PACRG: variants seen among roughly 807,000 people sequenced by gnomAD.
PACRG encodes parkin coregulated, also known as parkin coregulated gene protein.
PACRG carries 29 observed loss-of-function variants against 29.7 expected under a neutral mutation model. The observed-to-expected ratio is 0.98, with a 90% CI of 0.73 to 1.33. The LOEUF is 1.33. PACRG is among the 40% of genes most tolerant of loss of function. The pLI is 0.00. For missense variants in PACRG, 279 were observed against 316.2 expected, an observed-to-expected ratio of 0.88 and a Z score of 0.89; for synonymous variants, 116 against 118.7, an observed-to-expected ratio of 0.98 and a Z score of 0.15.
chr6:163,105,060 T>A (rs1055003430), intron 4 of PACRG, among the ~76,000 whole-genome samples: 1 of 152,172 alleles, frequency 6.6e-6, no homozygotes, highest in Non-Finnish European at 1.5e-5. Flanking sequence ...CTACATTTTC[T>A]TAGAAATTTC....
At chr6:162,836,666 T>C (rs1789252990) in intron 2 of PACRG, among the ~76,000 whole-genome samples, 2 of 152,178 alleles carry the variant, frequency 1.3e-5, no homozygotes. Flanking sequence ...TTTTATACCT[T>C]CAATCTTGCT....
chr6:162,729,269 G>A (rs918779724), intron 1 of PACRG, among the ~76,000 whole-genome samples: 6 of 152,122 alleles, frequency 3.9e-5, no homozygotes, highest in Non-Finnish European at 8.8e-5. Flanking sequence ...TCAAATTTGT[G>A]TAATTTACAC....
chr6:163,261,568 T>G (rs1467703382), intron 4 of PACRG, among the ~76,000 whole-genome samples: 1 of 152,200 alleles, frequency 6.6e-6, no homozygotes, highest in Admixed American at 6.5e-5. Flanking sequence ...CATGAGCTCC[T>G]TGACTCAGTG....
intron 2 of PACRG, among the ~76,000 whole-genome samples, chr6:162,981,103 C>T (rs1162569486): frequency 6.6e-6 from 1 of 151,908 alleles, no homozygotes; most frequent in Non-Finnish European, 1.5e-5. Context: ...GTCCTCATAG[C>T]TTGACTCCCA....
chr6:162,843,284 GC>G (rs1789977005), intron 2 of PACRG, among the ~76,000 whole-genome samples: 3 of 77,152 alleles, frequency 3.9e-5, no homozygotes, highest in Admixed American at 2.8e-4. Context: ...TTTCTTGGAG[GC>G]TTTGCTCATT....
intron 4 of PACRG, chr6:163,165,642 C>G (rs577929973): frequency 5.2e-6 from 1 of 191,826 alleles, no homozygotes; most frequent in African/African-American, 2.4e-5. Context: ...ACTAGGGTAA[C>G]CCAGGGGAGA....
intron 1 of PACRG, among the ~76,000 whole-genome samples, chr6:162,802,492 T>C (rs1369518069): frequency 6.6e-6 from 1 of 152,212 alleles, no homozygotes; most frequent in African/African-American, 2.4e-5. Flanking sequence ...CATAAGTGGT[T>C]ATATAATTTA....
At chr6:163,169,306 G>T (rs960396064) in intron 4 of PACRG, among the ~76,000 whole-genome samples, 1 of 152,318 alleles carries the variant, frequency 6.6e-6, no homozygotes, top group Non-Finnish European at 1.5e-5. Context: ...GAAGGAAAGA[G>T]AGCACCTTTC....
intron 2 of PACRG, among the ~76,000 whole-genome samples, chr6:162,850,854 A>G (rs1790795740): frequency 6.6e-6 from 1 of 152,230 alleles, no homozygotes; most frequent in Admixed American, 6.5e-5. Context: ...TTGGTCAGAA[A>G]TTCTGGAGGC....
intron 1 of PACRG, among the ~76,000 whole-genome samples, chr6:162,758,483 G>T: frequency 6.6e-6 from 1 of 152,050 alleles, no homozygotes; most frequent in East Asian, 1.9e-4. Context: ...TCTTCAACCA[G>T]TTGCCATATG....
chr6:163,301,619 G>C (rs929539682), intron 4 of PACRG, among the ~76,000 whole-genome samples: 14 of 152,146 alleles, frequency 9.2e-5, no homozygotes, highest in African/African-American at 2.4e-4. Context: ...TGAGGTTGTA[G>C]AGTAAACTCA....
At chr6:163,030,063 A>G (rs1307560026) in intron 2 of PACRG, among the ~76,000 whole-genome samples, 1 of 152,216 alleles carries the variant, frequency 6.6e-6, no homozygotes, top group Non-Finnish European at 1.5e-5. Flanking sequence ...AAACCTTTTT[A>G]TCTATTTCAT....
At chr6:163,005,186 C>G (rs1053927892) in intron 2 of PACRG, among the ~76,000 whole-genome samples, 1 of 152,076 alleles carries the variant, frequency 6.6e-6, no homozygotes, top group Non-Finnish European at 1.5e-5. Flanking sequence ...TGTGTCTTCT[C>G]TCTTTTTTGT....
chr6:162,857,424 C>T (rs1206159269), intron 2 of PACRG, among the ~76,000 whole-genome samples: 2 of 152,190 alleles, frequency 1.3e-5, no homozygotes, highest in African/African-American at 4.8e-5. Context: ...AGATGCTTTA[C>T]AAAATTCCCT....
chr6:162,913,528 A>G (rs1796460003), intron 2 of PACRG, among the ~76,000 whole-genome samples: 1 of 152,154 alleles, frequency 6.6e-6, no homozygotes, highest in Non-Finnish European at 1.5e-5. Flanking sequence ...TTCATGTACA[A>G]TTTTTTGTTG....
chr6:162,768,071 AT>A (rs1165113267), intron 1 of PACRG, among the ~76,000 whole-genome samples: 1 of 152,092 alleles, frequency 6.6e-6, no homozygotes, highest in Admixed American at 6.6e-5. Flanking sequence ...TTGTATTTGC[AT>A]ACCATTATTT....
chr6:162,756,333 G>A (rs1781917533), intron 1 of PACRG, among the ~76,000 whole-genome samples: 2 of 152,092 alleles, frequency 1.3e-5, no homozygotes, highest in Non-Finnish European at 2.9e-5. Context: ...AATATTGGGT[G>A]CAAATATATT....
intron 4 of PACRG, among the ~76,000 whole-genome samples, chr6:163,115,538 C>A (rs1815942458): frequency 6.6e-6 from 1 of 152,070 alleles, no homozygotes; most frequent in Non-Finnish European, 1.5e-5. Context: ...CACGCCCCTA[C>A]CCTAAGAGAT....
intron 3 of PACRG, among the ~76,000 whole-genome samples, chr6:163,083,096 A>G (rs1813231857): frequency 1.3e-5 from 2 of 152,220 alleles, no homozygotes; most frequent in Admixed American, 1.3e-4. Context: ...ACAGTGTTAA[A>G]TTGTCAACAA....
Sources: gnomAD v4.1 joint callset for allele counts (sites outside exome capture counted in the v4.1 genomes callset) on GRCh38, gnomAD v4.1.1 for gene constraint, MANE v1.5 for transcripts, NCBI Gene and HGNC (gene_info 2026-07-23, HGNC 2026-07-21) for gene names.